MED29: variants seen among roughly 807,000 people sequenced by gnomAD.
MED29 encodes mediator complex subunit 29.
In MED29, 14 loss-of-function variants were observed where a neutral mutation model predicts 22.0. That is an observed-to-expected ratio of 0.64 (90% CI 0.42 to 0.99). The LOEUF (loss-of-function observed/expected upper bound fraction) is 0.99, where lower values mean the gene tolerates loss of function less well. Among genes scored for constraint, MED29 ranks in the 50% least tolerant of loss-of-function variants. The probability of loss-of-function intolerance (pLI) is 0.00; values close to 1 mark genes in which losing one functional copy is unlikely to be tolerated. For missense variants in MED29, 241 were observed against 253.7 expected (o/e 0.95, Z 0.34); for synonymous variants, 123 against 107.8 (o/e 1.14, Z -0.87).
rs1395055187 is a variant in MED29, at chr19:39,398,845, TG to T, written c.*1148del. The T allele has an allele frequency of 6.6e-6, 1 of 152,228 alleles. No individual in the cohort carries two copies. Among genetic ancestry groups the T allele is most frequent in the Non-Finnish European group, 1.5e-5 (1 of 68,030 alleles). The allele number at this position is 152,228 out of a possible 1,614,324, so 9.4% of individuals were successfully genotyped here. On this transcript the variant is annotated 3_prime_UTR_variant, in exon 4 of 4. Transcript: ENST00000315588. ...ATTCGCACTCCATGGCCTCCTGTCC[TG>T]GACCCCACGTCTGCAAGGAAACCCT...
intron 3 of MED29, among the ~76,000 whole-genome samples, chr19:39,395,547 C>A (rs1240669450): frequency 6.6e-6 from 1 of 152,048 alleles, no homozygotes; most frequent in Non-Finnish European, 1.5e-5. Context: ...GTGTGCAGGG[C>A]TTTGTATATG....
chr19:39,393,727 C>T (rs1381183883), intron 3 of MED29, 90 bp downstream of exon 3: 2 of 1,085,380 alleles, frequency 1.8e-6, no homozygotes, highest in Non-Finnish European at 2.8e-6. Context: ...TCACACTCAA[C>T]TGGGGACCTC....
At position 39,391,633 on chromosome 19, in the gene MED29, C is replaced by G. The variant is rs753748159; in HGVS notation, c.211C>G (p.Leu71Val). The change falls in exon 1 of 4, where the codon CTA becomes GTA. Residue 71 changes from leucine to valine, a missense_variant. Coordinates refer to ENST00000315588, the MANE Select transcript of MED29 (RefSeq NM_017592.4). Reference protein sequence around the residue: ...KMLIPQLKESLQTLMKVAAQN... With the variant: ...KMLIPQLKESVQTLMKVAAQN... ...GCTCATCCCGCAGCTGAAGGAGAGT[C>G]TACAGGTGATTGGCCTTAAGCAGCG... 4.4e-6 allele frequency: 7 copies of G among 1,589,448 alleles called. No individual in the cohort carries two copies. In the East Asian group the frequency reaches 1.6e-4, roughly 36 times the overall value.
At position 39,391,394 on chromosome 19, in the gene MED29, A is replaced by C. The variant is rs146823744; in HGVS notation, c.-29A>C. 1.9e-6 allele frequency: 3 copies of C among 1,607,082 alleles called. No individual in the cohort carries two copies. The highest frequency in any genetic ancestry group is 2.6e-6 in the Non-Finnish European group (3 of 1,174,422). On this transcript the variant is annotated 5_prime_UTR_variant, in exon 1 of 4. Transcript: ENST00000315588. The stretch of plus-strand genomic sequence containing the variant: ...AGCAACGGGGAGAGACGCAGTCGTA[A>C]CGCACTTCCGGCGGTCTACGCGAGG...
intron 2 of MED29, among the ~76,000 whole-genome samples, chr19:39,393,154 G>A (rs895122459): frequency 2.2e-5 from 3 of 133,924 alleles, no homozygotes; most frequent in Non-Finnish European, 4.6e-5. Context: ...GGAGTGCAGT[G>A]GTGTAGTCTC....
chr19:39,394,323 A>T (rs2078416395), intron 3 of MED29, among the ~76,000 whole-genome samples: 1 of 152,084 alleles, frequency 6.6e-6, no homozygotes, highest in Non-Finnish European at 1.5e-5. Flanking sequence ...GTGCAGTGGC[A>T]CGATCTAGGC....
intron 3 of MED29, among the ~76,000 whole-genome samples, chr19:39,393,904 G>C (rs2078414004): frequency 1.3e-5 from 2 of 152,228 alleles, no homozygotes; most frequent in Admixed American, 6.5e-5. Flanking sequence ...AGTGGTTAGG[G>C]TTATGATTGA....
At chr19:39,392,242 T>C (rs1340072594) in intron 1 of MED29, among the ~76,000 whole-genome samples, 1 of 151,990 alleles carries the variant, frequency 6.6e-6, no homozygotes, top group Non-Finnish European at 1.5e-5. Flanking sequence ...GGAGGACCCT[T>C]AGGTTATTGG....
In MED29 at chr19:39,397,819, G is replaced by A; in HGVS notation, c.*120G>A. Reference sequence around the variant, plus strand: ...TTCCTGCCTGAGCACCGCAGCGGGAGCCAGCAGGGGGCAGCAGAGGCCAAC... The same window carrying A: ...TTCCTGCCTGAGCACCGCAGCGGGAACCAGCAGGGGGCAGCAGAGGCCAAC... On this transcript the variant is annotated 3_prime_UTR_variant, in exon 4 of 4. Coordinates refer to ENST00000315588, the MANE Select transcript of MED29 (RefSeq NM_017592.4). The A allele has an allele frequency of 2.7e-6, 4 of 1,463,610 alleles. No individual in the cohort carries two copies. Among genetic ancestry groups the A allele is most frequent in the Non-Finnish European group, 3.6e-6 (4 of 1,101,468 alleles). The allele number at this position is 1,463,610 out of a possible 1,614,324, so 90.7% of individuals were successfully genotyped here.
chr19:39,393,493 T>G (rs2078411044), intron 2 of MED29, 60 bp from the exon 3 acceptor site: 1 of 1,475,700 alleles, frequency 6.8e-7, no homozygotes, highest in Non-Finnish European at 9.5e-7. Context: ...GTTGGGTAGA[T>G]ACTGGTGTCC....
At chr19:39,397,405 T>A in intron 3 of MED29, 52 bp from the exon 4 acceptor site, 1 of 1,568,574 alleles carries the variant, frequency 6.4e-7, no homozygotes, top group Non-Finnish European at 8.6e-7. Flanking sequence ...TGGGGTGGGG[T>A]AGAATGACCT....
intron 2 of MED29, 83 bp from the exon 3 acceptor site, chr19:39,393,470 T>G: frequency 7.8e-7 from 1 of 1,275,446 alleles, no homozygotes; most frequent in East Asian, 2.3e-5. Context: ...CCTGGTTTCC[T>G]GATGGACACT....
In MED29 at chr19:39,391,412, A is replaced by T. The variant is rs768176929; in HGVS notation, c.-11A>T. ...AGTCGTAACGCACTTCCGGCGGTCT[A>T]CGCGAGGAAGATGGCTGCATCCCAG... On this transcript the variant is annotated 5_prime_UTR_variant, in exon 1 of 4. Coordinates refer to ENST00000315588, the MANE Select transcript of MED29 (RefSeq NM_017592.4). 7 of 1,611,628 alleles carry T rather than the reference A, an allele frequency of 4.3e-6. No individual in the cohort carries two copies. In the Admixed American group the frequency reaches 1.2e-4, roughly 27 times the overall value.
chr19:39,393,995 C>T (rs925288032), intron 3 of MED29, among the ~76,000 whole-genome samples: 15 of 151,984 alleles, frequency 9.9e-5, no homozygotes, highest in African/African-American at 3.6e-4. Context: ...GAGAGAGTGG[C>T]TTAGGGAAGG....
At chr19:39,395,448 C>T (rs1432873291) in intron 3 of MED29, among the ~76,000 whole-genome samples, 3 of 152,110 alleles carry the variant, frequency 2.0e-5, no homozygotes, top group Non-Finnish European at 4.4e-5. Flanking sequence ...AGGGCGCAGC[C>T]ATGGCAGGAT....
In MED29 at chr19:39,392,325, A is replaced by G. The variant is rs866339337; in HGVS notation, c.217-139A>G. On this transcript the variant is annotated intron_variant, in intron 1 of 3. Coordinates refer to ENST00000315588, the MANE Select transcript of MED29 (RefSeq NM_017592.4). Reference sequence around the variant, plus strand: ...AGCTATAGGAATGGAAACGAATATTACTTTGGAAAGTCAGGAGGGAAGGTG... The same window carrying G: ...AGCTATAGGAATGGAAACGAATATTGCTTTGGAAAGTCAGGAGGGAAGGTG... 2.2e-5 allele frequency: 16 copies of G among 731,694 alleles called. No homozygotes were observed. In the Middle Eastern group the frequency reaches 1.1e-3, roughly 49 times the overall value. 45.3% of individuals were successfully genotyped at this position (731,694 alleles called of 1,614,324 possible). A position where few individuals can be genotyped will look rare whatever the true frequency, so the allele number is the denominator to read the frequency against.
At chr19:39,394,627 G>A (rs1026416976) in intron 3 of MED29, among the ~76,000 whole-genome samples, 1 of 137,402 alleles carries the variant, frequency 7.3e-6, no homozygotes, top group Non-Finnish European at 1.5e-5. Flanking sequence ...ACAGTGGCGC[G>A]ACTTCAGCTC....
rs757297769 is a variant in MED29 at position 39,391,537 on chromosome 19, G to T, written c.115G>T (p.Val39Leu). ...QQQPQPPAQL[V>L]GPAQSGLLQQ... ...GCAGCCGCAACCGCCAGCACAACTG[G>T]TGGGCCCTGCCCAGAGCGGCCTCCT... The change falls in exon 1 of 4, where the codon GTG (valine) becomes TTG (leucine). Residue 39 changes from valine to leucine, a missense_variant. Physicochemically the swap from Val to Leu is conservative, Grantham distance 32 (BLOSUM62 1). Coordinates refer to ENST00000315588, the MANE Select transcript of MED29 (RefSeq NM_017592.4). 5.0e-6 allele frequency: 8 copies of T among 1,613,814 alleles called. No individual in the cohort carries two copies. Among genetic ancestry groups the T allele is most frequent in the Non-Finnish European group, 5.9e-6 (7 of 1,180,010 alleles).
chr19:39,392,977 T>C (rs1412394734), intron 2 of MED29, among the ~76,000 whole-genome samples: 2 of 151,730 alleles, frequency 1.3e-5, no homozygotes, highest in African/African-American at 4.8e-5. Context: ...CTCAAACTCC[T>C]GGGTTCAAAC....
Sources: gnomAD v4.1 joint callset for allele counts (sites outside exome capture counted in the v4.1 genomes callset) on GRCh38, gnomAD v4.1.1 for gene constraint, MANE v1.5 for transcripts, NCBI Gene and HGNC (gene_info 2026-07-23, HGNC 2026-07-21) for gene names.